Variants in POLD3 observed in about 807,000 individuals in gnomAD.
The protein encoded by POLD3 is DNA polymerase delta 3, accessory subunit.
POLD3 carries 19 observed loss-of-function variants against 58.2 expected under a neutral mutation model. That is an observed-to-expected ratio of 0.33 (90% confidence interval 0.23 to 0.48). The LOEUF (loss-of-function observed/expected upper bound fraction) is 0.48, where lower values mean the gene tolerates loss of function less well. POLD3 is among the 20% of genes least tolerant of loss of function. The pLI, the probability that POLD3 is intolerant of heterozygous loss-of-function variation, is 0.99. For missense variants in POLD3, 504 were observed against 545.5 expected (o/e 0.92, Z 0.76); for synonymous variants, 172 against 193.5 (o/e 0.89, Z 0.92).
At chr11:74,594,685 A>C (rs1359787117) in intron 2 of POLD3, among the ~76,000 whole-genome samples, 1 of 152,212 alleles carries the variant, frequency 6.6e-6, no homozygotes. Context: ...GCTGCTATGA[A>C]GACACACCTG....
chr11:74,592,928 T>C (rs1019286511), intron 1 of POLD3: 2 of 1,409,268 alleles, frequency 1.4e-6, no homozygotes, highest in South Asian at 1.5e-5. Flanking sequence ...TCCGCGTCCC[T>C]TGGGTGGGCG....
rs139882024 is a variant in POLD3 at position 74,612,389 on chromosome 11, G to A, written c.260-489G>A. Among the ~76,000 whole-genome samples the A allele has an allele frequency of 9.3e-4, 142 of 152,228 alleles. 3 individuals carry two copies. The East Asian group carries it at 0.026, about 27-fold the overall frequency. ...CAAGTTAGCTGCAATCCCTTCCTTC[G>A]CGGAACCTAACATTTATTCTTGTGG... On this transcript the variant is annotated intron_variant, in intron 4 of 11. Coordinates refer to ENST00000263681, the MANE Select transcript of POLD3 (RefSeq NM_006591.3).
At chr11:74,636,529 G>A (rs754206047) in intron 11 of POLD3, among the ~76,000 whole-genome samples, 9 of 152,184 alleles carry the variant, frequency 5.9e-5, no homozygotes, top group Non-Finnish European at 1.2e-4. Context: ...GTCGTCCCTG[G>A]TGAAGAGTTT....
chr11:74,594,449 G>A (rs949082965), intron 2 of POLD3, among the ~76,000 whole-genome samples: 4 of 152,132 alleles, frequency 2.6e-5, no homozygotes. Context: ...TAAGGTATTG[G>A]GGGTTAGGGC....
chr11:74,655,478 T>C (rs571655253), intron 4 of POLD3, among the ~76,000 whole-genome samples: 29 of 152,194 alleles, frequency 1.9e-4, no homozygotes, highest in Non-Finnish European at 3.1e-4. Context: ...CAGGAACATG[T>C]AACACATAAT....
At chr11:74,631,190 ATTAG>A (rs1170422724) in intron 9 of POLD3, among the ~76,000 whole-genome samples, 1 of 152,228 alleles carries the variant, frequency 6.6e-6, no homozygotes, top group Non-Finnish European at 1.5e-5. Flanking sequence ...AATATGTCAT[ATTAG>A]TTCAATATGC....
chr11:74,605,702 C>A (rs144583268), intron 3 of POLD3, among the ~76,000 whole-genome samples: 22 of 152,312 alleles, frequency 1.4e-4, no homozygotes, highest in African/African-American at 5.3e-4. Flanking sequence ...GATTTTCCCT[C>A]AGAATCATAA....
chr11:74,662,383 C>T (rs1279796480), intron 4 of POLD3, among the ~76,000 whole-genome samples: 2 of 152,012 alleles, frequency 1.3e-5, no homozygotes, highest in East Asian at 3.9e-4. Context: ...CCCAAGGGCT[C>T]TTTAATCAGC....
chr11:74,599,170 G>T (rs985008455), intron 2 of POLD3, among the ~76,000 whole-genome samples: 1 of 152,102 alleles, frequency 6.6e-6, no homozygotes, highest in Admixed American at 6.5e-5. Flanking sequence ...GAGTAGCTGG[G>T]ACCACAGGTA....
intron 9 of POLD3, among the ~76,000 whole-genome samples, chr11:74,633,729 C>T (rs1188213674): frequency 6.6e-6 from 1 of 152,180 alleles, no homozygotes; most frequent in African/African-American, 2.4e-5. Flanking sequence ...TCTGGTGGTG[C>T]TCATTTCTTG....
At chr11:74,644,900 G>C (rs1434379110), downstream of POLD3, among the ~76,000 whole-genome samples, 1 of 152,154 alleles carries the variant, frequency 6.6e-6, no homozygotes, top group African/African-American at 2.4e-5. Context: ...TTACCGGACT[G>C]CTCTTGAAGA....
rs187207780 is a variant in POLD3, at chr11:74,667,538, G to A, written c.370-1239G>A. ...GAGTGAGACTCCGTCTCAAAAAAAA[G>A]GTAAATTTTATGTCATGAATATTTT... On this transcript the variant is annotated intron_variant, in intron 4 of 4. Coordinates refer to the POLD3 transcript ENST00000524752. 7.3e-3 allele frequency among the ~76,000 whole-genome samples: 1,111 copies of A among 151,158 alleles called. 11 individuals carry two copies. The highest frequency in any genetic ancestry group is 0.012 in the Non-Finnish European group (805 of 67,962).
intron 4 of POLD3, among the ~76,000 whole-genome samples, chr11:74,665,648 C>T (rs573110273): frequency 1.6e-4 from 25 of 152,148 alleles, no homozygotes; most frequent in Non-Finnish European, 2.2e-4. Flanking sequence ...GATCCGCCTA[C>T]CTTGGCCTCT....
At chr11:74,653,599 A>G (rs1266716807) in intron 4 of POLD3, among the ~76,000 whole-genome samples, 3 of 152,242 alleles carry the variant, frequency 2.0e-5, no homozygotes, top group South Asian at 2.1e-4. Flanking sequence ...ATGGAATACT[A>G]AAATTACCAA....
rs140232326 is a variant in POLD3 at position 74,634,630 on chromosome 11, C to T, written c.1054C>T (p.Pro352Ser). Residue 352 changes from proline to serine, a missense_variant, in exon 10 of 12, where the codon CCT becomes TCT. Physicochemically the swap from Pro to Ser is moderately conservative, Grantham distance 74. Transcript: ENST00000263681. ...GAYEAESPSP[P>S]PPPSPPLEPV... ...TTATGAAGCTGAGTCACCATCCCCACCTCCTCCTCCGTCTCCACCTCTTGA... is the reference window on the plus strand; with the variant it reads ...TTATGAAGCTGAGTCACCATCCCCATCTCCTCCTCCGTCTCCACCTCTTGA... 7 of 1,612,746 alleles carry T rather than the reference C, an allele frequency of 4.3e-6. No individual in the cohort carries two copies. The highest frequency in any genetic ancestry group is 1.7e-5 in the Admixed American group (1 of 59,998).
At chr11:74,618,481 A>T in intron 5 of POLD3, 56 bp from the exon 6 acceptor site, 1 of 1,331,560 alleles carries the variant, frequency 7.5e-7, no homozygotes, top group Non-Finnish European at 1.0e-6. Flanking sequence ...TTTTTTGTTG[A>T]ACCACCCAAG....
intron 2 of POLD3, among the ~76,000 whole-genome samples, chr11:74,598,998 G>A (rs1283827087): frequency 6.6e-6 from 1 of 152,178 alleles, no homozygotes; most frequent in Non-Finnish European, 1.5e-5. Flanking sequence ...GGCACATAAT[G>A]AATGCCAATA....
At chr11:74,668,140 T>C (rs1319273388) in intron 4 of POLD3, among the ~76,000 whole-genome samples, 1 of 152,226 alleles carries the variant, frequency 6.6e-6, no homozygotes, top group Non-Finnish European at 1.5e-5. Context: ...GAATATAAAA[T>C]GGTGCAGGCA....
intron 6 of POLD3, among the ~76,000 whole-genome samples, chr11:74,619,745 A>C (rs2032193829): frequency 1.3e-5 from 2 of 152,178 alleles, no homozygotes; most frequent in South Asian, 4.1e-4. Context: ...AATAGTTTTT[A>C]AATGTGCTCA....
Sources: gnomAD v4.1 joint callset for allele counts (sites outside exome capture counted in the v4.1 genomes callset) on GRCh38, gnomAD v4.1.1 for gene constraint, MANE v1.5 for transcripts, NCBI Gene and HGNC (gene_info 2026-07-23, HGNC 2026-07-21) for gene names.